STARD3NL: variants seen among roughly 807,000 people sequenced by gnomAD.
The protein encoded by STARD3NL is STARD3 N-terminal-like protein.
STARD3NL carries 17 observed loss-of-function variants against 30.9 expected under a neutral mutation model. The observed-to-expected ratio is 0.55, with a 90% CI of 0.38 to 0.82. The LOEUF is 0.82. Ranked by LOEUF, STARD3NL falls within the 40% of genes least tolerant of loss-of-function variation. STARD3NL has a pLI of 0.00. For synonymous variants in STARD3NL, 112 were observed against 100.5 expected (o/e 1.11, Z -0.69); for missense variants, 234 against 277.6 (o/e 0.84, Z 1.12).
intron 1 of STARD3NL, among the ~76,000 whole-genome samples, chr7:38,193,188 T>G (rs1297883407): frequency 6.6e-6 from 1 of 152,212 alleles, no homozygotes; most frequent in East Asian, 1.9e-4. Flanking sequence ...TTGGCCTAAA[T>G]GAATTGTAAG....
intron 1 of STARD3NL, among the ~76,000 whole-genome samples, chr7:38,201,126 G>T (rs1216734662): frequency 6.6e-6 from 1 of 152,150 alleles, no homozygotes; most frequent in Non-Finnish European, 1.5e-5. Flanking sequence ...TAAAGAAAAA[G>T]AAAAGCAAGC....
At chr7:38,214,677 A>G (rs1269112052) in intron 3 of STARD3NL, among the ~76,000 whole-genome samples, 1 of 152,200 alleles carries the variant, frequency 6.6e-6, no homozygotes, top group Non-Finnish European at 1.5e-5. Flanking sequence ...AGCCATTCCT[A>G]TTTTCTTGTT....
intron 2 of STARD3NL, among the ~76,000 whole-genome samples, chr7:38,208,669 T>C (rs917614387): frequency 6.6e-6 from 1 of 152,224 alleles, no homozygotes; most frequent in African/African-American, 2.4e-5. Context: ...AGGAAATGTT[T>C]GCTAAGACCT....
At chr7:38,201,072 T>C (rs1044975152) in intron 1 of STARD3NL, among the ~76,000 whole-genome samples, 1 of 151,916 alleles carries the variant, frequency 6.6e-6, no homozygotes, top group African/African-American at 2.4e-5. Context: ...TTGTCATTGG[T>C]TACATCTAGA....
At chr7:38,220,652 G>A (rs1273276270) in intron 7 of STARD3NL, among the ~76,000 whole-genome samples, 1 of 152,214 alleles carries the variant, frequency 6.6e-6, no homozygotes, top group Non-Finnish European at 1.5e-5. Context: ...TGTACCCAAA[G>A]GAAATGAAAG....
intron 1 of STARD3NL, among the ~76,000 whole-genome samples, chr7:38,192,263 GAGCTCTTGTT>G (rs1445249600): frequency 3.3e-5 from 5 of 151,576 alleles, no homozygotes. Flanking sequence ...TCATAAAAGT[GAGCTCTTGTT>G]AACAAAGTTT....
chr7:38,200,365 C>T (rs1785118350), intron 1 of STARD3NL, among the ~76,000 whole-genome samples: 1 of 152,190 alleles, frequency 6.6e-6, no homozygotes, highest in Non-Finnish European at 1.5e-5. Flanking sequence ...GAAGCTAGTG[C>T]AGTGCTTCTC....
intron 4 of STARD3NL, chr7:38,215,524 C>T (rs1786054293): frequency 6.1e-6 from 1 of 163,824 alleles, no homozygotes; most frequent in South Asian, 1.7e-4. Flanking sequence ...CTCCTTTCTT[C>T]CCCACAACCC....
intron 6 of STARD3NL, among the ~76,000 whole-genome samples, chr7:38,219,236 A>G (rs982479264): frequency 9.2e-5 from 14 of 152,014 alleles, no homozygotes; most frequent in African/African-American, 3.4e-4. Flanking sequence ...TTATAGAGAC[A>G]GGGTCTTGCT....
intron 1 of STARD3NL, among the ~76,000 whole-genome samples, chr7:38,190,504 G>A (rs1366906828): frequency 2.0e-5 from 3 of 152,196 alleles, no homozygotes; most frequent in African/African-American, 7.2e-5. Context: ...AGACACAGCA[G>A]TGCCATCTCA....
chr7:38,207,053 G>A (rs1785526612), intron 1 of STARD3NL, among the ~76,000 whole-genome samples: 1 of 152,160 alleles, frequency 6.6e-6, no homozygotes, highest in Non-Finnish European at 1.5e-5. Context: ...GCATTCAGTA[G>A]ATGATTTTCT....
chr7:38,217,378 G>T, intron 6 of STARD3NL, 73 bp downstream of exon 6: 1 of 1,398,662 alleles, frequency 7.1e-7, no homozygotes, highest in Non-Finnish European at 1.0e-6. Flanking sequence ...GTGGTTTCTT[G>T]GTGTGAATGG....
chr7:38,189,629 T>C (rs1562598116), intron 1 of STARD3NL, among the ~76,000 whole-genome samples: 1 of 152,248 alleles, frequency 6.6e-6, no homozygotes, highest in Non-Finnish European at 1.5e-5. Context: ...ACATACACCT[T>C]ATAGCAGCAA....
At chr7:38,228,668 C>G in intron 7 of STARD3NL, 131 bp from the exon 8 acceptor site, 1 of 656,082 alleles carries the variant, frequency 1.5e-6, no homozygotes, top group African/African-American at 1.8e-5. Context: ...TAACCTAAAT[C>G]TCTTGAGGAT....
At chr7:38,193,380 T>C (rs565215810) in intron 1 of STARD3NL, among the ~76,000 whole-genome samples, 1 of 152,092 alleles carries the variant, frequency 6.6e-6, no homozygotes, top group African/African-American at 2.4e-5. Flanking sequence ...CTCACTACAA[T>C]CTCTGCCTCC....
intron 3 of STARD3NL, 87 bp downstream of exon 3, chr7:38,214,521 C>CT: frequency 2.7e-6 from 2 of 744,388 alleles, no homozygotes; most frequent in Non-Finnish European, 4.4e-6. Context: ...ATTCCATGCC[C>CT]TTTTTTCCTC....
intron 1 of STARD3NL, among the ~76,000 whole-genome samples, chr7:38,193,812 A>C (rs1375083867): frequency 6.6e-6 from 1 of 152,194 alleles, no homozygotes; most frequent in Non-Finnish European, 1.5e-5. Flanking sequence ...TATGTAATAT[A>C]TAATTATGTT....
At chr7:38,193,532 T>C (rs1034900270) in intron 1 of STARD3NL, among the ~76,000 whole-genome samples, 1 of 152,216 alleles carries the variant, frequency 6.6e-6, no homozygotes, top group Admixed American at 6.5e-5. Context: ...TCTCCTGACC[T>C]CATGATCCAC....
At chr7:38,217,895 C>T (rs942863376) in intron 6 of STARD3NL, among the ~76,000 whole-genome samples, 1 of 152,100 alleles carries the variant, frequency 6.6e-6, no homozygotes, top group African/African-American at 2.4e-5. Context: ...CAAGCCAGAG[C>T]GACGCTCAGC....
Sources: gnomAD v4.1 joint callset for allele counts (sites outside exome capture counted in the v4.1 genomes callset) on GRCh38, gnomAD v4.1.1 for gene constraint, MANE v1.5 for transcripts, NCBI Gene and HGNC (gene_info 2026-07-23, HGNC 2026-07-21) for gene names.